KLK2: variants seen among roughly 807,000 people sequenced by gnomAD.
The protein encoded by KLK2 is kallikrein related peptidase 2.
A neutral mutation model predicts 23.0 loss-of-function variants in KLK2; 17 were observed. The ratio of observed to expected loss-of-function variants is 0.74; its 90% confidence interval spans 0.51 to 1.11. KLK2 has a LOEUF of 1.11. KLK2 is among the 50% of genes least tolerant of loss of function. The pLI is 0.00. For missense variants in KLK2, 330 were observed against 325.9 expected (o/e 1.01, Z -0.10); for synonymous variants, 140 against 124.7 (o/e 1.12, Z -0.82).
chr19:50,877,721 T>C (rs948189078), intron 4 of KLK2: 1 of 155,744 alleles, frequency 6.4e-6, no homozygotes, highest in African/African-American at 2.4e-5. Context: ...GAGCTGTGGA[T>C]GGTGCTGGAC....
In KLK2 at chr19:50,876,521, A is replaced by G; in HGVS notation, c.256A>G (p.Thr86Ala). ...GRHNLFEPED[T>A]GQRVPVSHSF... is the part of the protein sequence containing the mutation. ...GCACAACCTGTTTGAGCCTGAAGAC[A>G]CAGGCCAGAGGGTCCCTGTCAGCCA... The change falls in exon 3 of 5, where the codon ACA (threonine) becomes GCA (alanine). Residue 86 changes from threonine to alanine, a missense_variant. Transcript: ENST00000325321. The G allele has an allele frequency of 1.2e-6, 2 of 1,614,126 alleles. No individual in the cohort carries two copies. The highest frequency in any genetic ancestry group is 1.7e-6 in the Non-Finnish European group (2 of 1,180,012).
At position 50,873,529 on chromosome 19, in the gene KLK2, G is replaced by C. The variant is rs775472259; in HGVS notation, c.46+10G>C. On this transcript the variant is annotated intron_variant, in intron 1 of 4. Transcript: ENST00000325321. The stretch of plus-strand genomic sequence containing the variant: ...TCTGTGGGGTGCACTGGTGAGATTG[G>C]GGGGATAAAGGAAGGGGGGCGGGTT... 1 of 1,435,382 alleles carries C rather than the reference G, an allele frequency of 7.0e-7. No homozygotes were observed. Among genetic ancestry groups the C allele is most frequent in the East Asian group, 2.3e-5 (1 of 43,636 alleles). 88.9% of individuals were successfully genotyped at this position (1,435,382 alleles called of 1,614,324 possible).
chr19:50,873,527 T>TG lies in KLK2; in HGVS notation c.46+14dup. ...TGTCTGTGGGGTGCACTGGTGAGAT[T>TG]GGGGGGATAAAGGAAGGGGGGCGGG... On this transcript the variant is annotated intron_variant, in intron 1 of 4. Coordinates refer to ENST00000325321, the MANE Select transcript of KLK2 (RefSeq NM_005551.5). The TG allele has an allele frequency of 7.0e-7, 1 of 1,431,940 alleles. No homozygotes were observed. Among genetic ancestry groups the TG allele is most frequent in the Non-Finnish European group, 9.8e-7 (1 of 1,019,422 alleles). 88.7% of individuals were successfully genotyped at this position (1,431,940 alleles called of 1,614,324 possible). A position where few individuals can be genotyped will look rare whatever the true frequency, so the allele number is the denominator to read the frequency against.
In KLK2 at chr19:50,879,081, G is replaced by C; in HGVS notation, c.*522G>C. 4.3e-6 allele frequency: 1 copy of C among 233,392 alleles called. No homozygotes were observed. Among genetic ancestry groups the C allele is most frequent in the Non-Finnish European group, 8.5e-6 (1 of 118,186 alleles). The allele number at this position is 233,392 out of a possible 1,614,324, so 14.5% of individuals were successfully genotyped here. On this transcript the variant is annotated 3_prime_UTR_variant, in exon 5 of 5. Coordinates refer to ENST00000325321, the MANE Select transcript of KLK2 (RefSeq NM_005551.5). ...AGATAAGGCCGTGAGCAGAAAGAAG[G>C]GGAGGATCCTCCTATGTTGTTGAAG...
rs1023174773 is a variant in KLK2, at chr19:50,877,122, C to T, written c.630+114C>T. ...TGCCTCCCCTGCTCCCCAGCTATAG[C>T]CACGCCCCCTCCCCATGCCTCATCT... On this transcript the variant is annotated intron_variant, in intron 4 of 4. Coordinates refer to ENST00000325321, the MANE Select transcript of KLK2 (RefSeq NM_005551.5). 64 of 1,388,778 alleles carry T rather than the reference C, an allele frequency of 4.6e-5. 1 individual carries two copies. The African/African-American group carries it at 7.1e-4, about 15-fold the overall frequency. 86.0% of individuals were successfully genotyped at this position (1,388,778 alleles called of 1,614,324 possible).
rs1059712 is a variant in KLK2, at chr19:50,878,545, G to A, written c.772G>A (p.Ala258Thr). ...CCGGAAGTGGATCAAGGACACCATCGCAGCCAACCCCTGAGTGCCCCTGTC... is the reference window on the plus strand; with the variant it reads ...CCGGAAGTGGATCAAGGACACCATCACAGCCAACCCCTGAGTGCCCCTGTC... ...HYRKWIKDTI[A>T]ANP Residue 258 changes from alanine (A) to threonine (T), a missense_variant, in exon 5 of 5, where the codon GCA becomes ACA. Coordinates refer to ENST00000325321, the MANE Select transcript of KLK2 (RefSeq NM_005551.5). 4.7e-5 allele frequency: 76 copies of A among 1,613,204 alleles called. No homozygotes were observed. Among genetic ancestry groups the A allele is most frequent in the Admixed American group, 1.0e-4 (6 of 59,954 alleles).
chr19:50,878,135 C>G (rs781056788), intron 4 of KLK2, among the ~76,000 whole-genome samples: 1 of 152,222 alleles, frequency 6.6e-6, no homozygotes, highest in Non-Finnish European at 1.5e-5. Flanking sequence ...GCTGACCTGT[C>G]TGCAGGGACT....
intron 4 of KLK2, 155 bp downstream of exon 4, chr19:50,877,163 C>G (rs1600017959): frequency 1.2e-6 from 1 of 852,584 alleles, no homozygotes; most frequent in South Asian, 1.6e-5. Context: ...CCTCCTTCCC[C>G]CTTCCCTGAC....
rs780494236 is a variant in KLK2, at chr19:50,876,852, A to G, written c.494-20A>G. ...ACCAGGTGGGGTCCGGCCACAGCCC[A>G]GTTTTTCTCTGACCCATAGTCTTGC... On this transcript the variant is annotated intron_variant, in intron 3 of 4. Transcript: ENST00000325321. The G allele has an allele frequency of 6.2e-7, 1 of 1,612,726 alleles. No homozygotes were observed. Among genetic ancestry groups the G allele is most frequent in the Admixed American group, 1.7e-5 (1 of 59,920 alleles).
At chr19:50,873,654 C>A in intron 1 of KLK2, 135 bp downstream of exon 1, 1 of 638,694 alleles carries the variant, frequency 1.6e-6, no homozygotes, top group Non-Finnish European at 2.7e-6. Context: ...GACTCTTCCA[C>A]ATTGCAATAG....
In KLK2 at chr19:50,876,500, A is replaced by G. The variant is rs2090288806; in HGVS notation, c.235A>G (p.Asn79Asp). ...KNSQVWLGRH[N>D]LFEPEDTGQR... is the part of the protein sequence containing the mutation. ...TAGCCAGGTCTGGCTGGGTCGGCAC[A>G]ACCTGTTTGAGCCTGAAGACACAGG... The change falls in exon 3 of 5, where the codon AAC becomes GAC. Residue 79 changes from asparagine (N) to aspartate (D), a missense_variant. Transcript: ENST00000325321. 6.2e-7 allele frequency: 1 copy of G among 1,613,890 alleles called. No homozygotes were observed. The highest frequency in any genetic ancestry group is 8.5e-7 in the Non-Finnish European group (1 of 1,180,014).
intron 2 of KLK2, chr19:50,876,143 T>C (rs1161958566): frequency 2.8e-6 from 1 of 351,572 alleles, no homozygotes; most frequent in East Asian, 5.3e-5. Flanking sequence ...TCTCCCTTCC[T>C]CTTCCCCATG....
intron 4 of KLK2, 181 bp downstream of exon 4, chr19:50,877,189 G>T (rs8105275): frequency 0.24 from 165,841 of 705,464 alleles, 20,260 homozygotes; most frequent in Middle Eastern, 0.26. Context: ...CAACACAAGA[G>T]GTGATTCTCA....
Position 50,880,024 on chromosome 19 carries a change from C to T in KLK2, c.*1465C>T, listed in dbSNP as rs2090328398. On this transcript the variant is annotated 3_prime_UTR_variant, in exon 5 of 5. Transcript: ENST00000325321. ...TGGGGCTATCCCTACAAAGAAGAAT[C>T]CAGAAATAGGGGCACATTGAGGAAT... 1 of 229,664 alleles carries T rather than the reference C, an allele frequency of 4.4e-6. No homozygotes were observed. The highest frequency in any genetic ancestry group is 8.6e-6 in the Non-Finnish European group (1 of 115,952). 14.2% of individuals were successfully genotyped at this position (229,664 alleles called of 1,614,324 possible).
In KLK2 at chr19:50,878,911, C is replaced by A; in HGVS notation, c.*352C>A. On this transcript the variant is annotated 3_prime_UTR_variant, in exon 5 of 5. Coordinates refer to ENST00000325321, the MANE Select transcript of KLK2 (RefSeq NM_005551.5). ...GCAGAGATGGGAGGGGTGGGGCCCA[C>A]CCTGGAAGAGTGGACAGTGACACAA... 1 of 281,024 alleles carries A rather than the reference C, an allele frequency of 3.6e-6. No individual in the cohort carries two copies. Among genetic ancestry groups the A allele is most frequent in the South Asian group, 1.0e-4 (1 of 9,994 alleles). 17.4% of individuals were successfully genotyped at this position (281,024 alleles called of 1,614,324 possible). A position where few individuals can be genotyped will look rare whatever the true frequency, so the allele number is the denominator to read the frequency against.
intron 4 of KLK2, among the ~76,000 whole-genome samples, chr19:50,878,003 C>T (rs912918046): frequency 6.6e-6 from 1 of 152,142 alleles, no homozygotes; most frequent in Non-Finnish European, 1.5e-5. Context: ...CTGCCCACGG[C>T]CCTCCATGGC....
chr19:50,878,607 GT>G lies in KLK2; in HGVS notation c.*50del, dbSNP rs1314329967. 1 of 1,568,476 alleles carries G rather than the reference GT, an allele frequency of 6.4e-7. No homozygotes were observed. The highest frequency in any genetic ancestry group is 1.4e-5 in the African/African-American group (1 of 74,042). On this transcript the variant is annotated 3_prime_UTR_variant, in exon 5 of 5. Transcript: ENST00000325321. ...TCTAGTAAATTTAAGTCCACCTCAC[GT>G]TCTGGCATCACTTGGCCTTTCTGGA... is the stretch of plus-strand genomic sequence containing the variant.
chr19:50,875,122 A>T (rs1160512875), intron 2 of KLK2: 5 of 590,362 alleles, frequency 8.5e-6, no homozygotes, highest in Non-Finnish European at 1.3e-5. Context: ...TTGTGTCTGT[A>T]TGACTGTGTT....
rs991705922 is a variant in KLK2, at chr19:50,873,632, C to T, written c.46+113C>T. 9 of 717,618 alleles carry T rather than the reference C, an allele frequency of 1.3e-5. No homozygotes were observed. In the African/African-American group the frequency reaches 1.4e-4, roughly 11 times the overall value. 44.5% of individuals were successfully genotyped at this position (717,618 alleles called of 1,614,324 possible). A position where few individuals can be genotyped will look rare whatever the true frequency, so the allele number is the denominator to read the frequency against. On this transcript the variant is annotated intron_variant, in intron 1 of 4. Coordinates refer to ENST00000325321, the MANE Select transcript of KLK2 (RefSeq NM_005551.5). ...CCTTCAGCCCACAGTTCAGCCCAGA[C>T]AATGTGCCCCTGACTCTTCCACATT...
Sources: allele counts gnomAD v4.1 joint callset (sites outside exome capture counted in the v4.1 genomes callset), GRCh38; gene constraint gnomAD v4.1.1; transcripts MANE v1.5; gene names NCBI Gene and HGNC (gene_info 2026-07-23, HGNC 2026-07-21).